Variants in NMNAT3 observed in about 807,000 individuals in gnomAD.
NMNAT3 encodes nicotinamide nucleotide adenylyltransferase 3.
In NMNAT3, 21 loss-of-function variants were observed where a neutral mutation model predicts 24.8. The ratio of observed to expected loss-of-function variants is 0.85; its 90% CI spans 0.60 to 1.22. The LOEUF is 1.22. NMNAT3 is among the 50% of genes most tolerant of loss of function. NMNAT3 has a pLI of 0.00. For synonymous variants in NMNAT3, 136 were observed against 155.2 expected, an observed-to-expected ratio of 0.88 and a Z score of 0.92; for missense variants, 387 against 436.6, an observed-to-expected ratio of 0.89 and a Z score of 1.01.
chr3:139,612,995 A>G lies in NMNAT3; in HGVS notation c.109+14621T>C, dbSNP rs568338404. Among the ~76,000 whole-genome samples the G allele has an allele frequency of 9.2e-5, 14 of 152,366 alleles. No individual in the cohort carries two copies. The South Asian group carries it at 2.9e-3, about 32-fold the overall frequency. ...TACAAAAATCAATTCAAGATGGATT[A>G]AAGACCTAAATGTTAGATCTAAAAC... On this transcript the variant is annotated intron_variant, in intron 3 of 6. Transcript: ENST00000643695.
rs560596871 is a variant in NMNAT3 at position 139,594,688 on chromosome 3, A to G, written c.110-11480T>C. Among the ~76,000 whole-genome samples, 20 of 152,362 alleles carry G rather than the reference A, an allele frequency of 1.3e-4. No individual in the cohort carries two copies. In the South Asian group the frequency reaches 3.9e-3, roughly 30 times the overall value. On this transcript the variant is annotated intron_variant, in intron 3 of 6. Transcript: ENST00000643695. ...CAAATCAGTAAATGTAATCCAGCAT[A>G]TAAACAGAACCAAAGACAAAAACCA...
At position 139,561,082 on chromosome 3, in the gene NMNAT3, G is replaced by A. The variant is rs1178402739; in HGVS notation, c.969C>T (p.Asp323=). The stretch of plus-strand genomic sequence containing the variant: ...TACTGCCCTTGGTGTAGAGGCCATG[G>A]TCCTTGATGTACGTGATGACAGCAT... The change falls in exon 7 of 7, where the codon GAC becomes GAT. Residue 323 remains aspartate, a synonymous_variant. Coordinates refer to ENST00000643695, the MANE Select transcript of NMNAT3 (RefSeq NM_001320510.2). 1 of 1,614,058 alleles carries A rather than the reference G, an allele frequency of 6.2e-7. No individual in the cohort carries two copies. Among genetic ancestry groups the A allele is most frequent in the Non-Finnish European group, 8.5e-7 (1 of 1,180,016 alleles).
Position 139,582,909 on chromosome 3 carries a change from T to A in NMNAT3, c.391+18A>T, listed in dbSNP as rs565409570. 2,793 of 1,371,162 alleles carry A rather than the reference T, an allele frequency of 2.0e-3. 4 individuals are homozygous for A. The highest frequency in any genetic ancestry group is 3.3e-3 in the African/African-American group (225 of 67,266). 84.9% of individuals were successfully genotyped at this position (1,371,162 alleles called of 1,614,324 possible). A position where few individuals can be genotyped will look rare whatever the true frequency, so the allele number is the denominator to read the frequency against. The stretch of plus-strand genomic sequence containing the variant: ...TGGAGGGAGGAGCAGTCCAAAAAAA[T>A]ATATATATATTTTTTACCTTGAAGT... On this transcript the variant is annotated intron_variant, in intron 4 of 6. Coordinates refer to ENST00000643695, the MANE Select transcript of NMNAT3 (RefSeq NM_001320510.2).
chr3:139,671,300 A>C (rs1207797842), intron 1 of NMNAT3, among the ~76,000 whole-genome samples: 2 of 152,120 alleles, frequency 1.3e-5, no homozygotes, highest in African/African-American at 4.8e-5. Flanking sequence ...CATGTGGCTA[A>C]TCTTCATATT....
intron 3 of NMNAT3, among the ~76,000 whole-genome samples, chr3:139,624,421 A>G (rs1162084469): frequency 1.3e-5 from 2 of 148,746 alleles, no homozygotes; most frequent in African/African-American, 4.9e-5. Context: ...TACACTTTGT[A>G]TTACTTCAGT....
chr3:139,676,631 C>T lies in NMNAT3; in HGVS notation c.-141+1074G>A, dbSNP rs187182994. Among the ~76,000 whole-genome samples the T allele has an allele frequency of 6.6e-5, 10 of 152,280 alleles. No individual in the cohort carries two copies. In the East Asian group the frequency reaches 1.5e-3, roughly 24 times the overall value. ...TGTCACTTTATTTCACCTGGCCCAC[C>T]GGACATGGGCTCCAGGAGGGCAGGG... On this transcript the variant is annotated intron_variant, in intron 1 of 6. Transcript: ENST00000643695.
rs1032227042 is a variant in NMNAT3, at chr3:139,638,910, C to T, written c.-140-848G>A. On this transcript the variant is annotated intron_variant, in intron 1 of 6. Coordinates refer to ENST00000643695, the MANE Select transcript of NMNAT3 (RefSeq NM_001320510.2). ...TCTCCCAAGCCTTGCTACTTACCCT[C>T]CAACCCCCTCCCTATGGCTGCTCTG... 1.4e-4 allele frequency among the ~76,000 whole-genome samples: 21 copies of T among 152,190 alleles called. 1 individual carries two copies. Among genetic ancestry groups the T allele is most frequent in the Admixed American group, 1.3e-3 (20 of 15,284 alleles).
intron 3 of NMNAT3, among the ~76,000 whole-genome samples, chr3:139,594,334 G>A (rs180897201): frequency 1.9e-3 from 284 of 152,128 alleles, no homozygotes; most frequent in Middle Eastern, 6.8e-3. Context: ...CTTACCAACC[G>A]AAAAGAGTCC....
rs756159164 is a variant in NMNAT3, at chr3:139,582,190, CAAAAAAAAAAAAAAAA to C, written c.391+721_391+736del. On this transcript the variant is annotated intron_variant, in intron 4 of 6. Coordinates refer to ENST00000643695, the MANE Select transcript of NMNAT3 (RefSeq NM_001320510.2). ...TAGGCAACAGAGCAAGACTCCCTCT[CAAAAAAAAAAAAAAAA>C]AAAAAAAAGAAAAAAAAACCACATG... 5.2e-4 allele frequency among the ~76,000 whole-genome samples: 12 copies of C among 23,076 alleles called. No homozygotes were observed. The South Asian group carries it at 0.029, about 55-fold the overall frequency. 15.1% of individuals were successfully genotyped at this position (23,076 alleles called of 152,430 possible).
chr3:139,657,409 G>A (rs1279313045), intron 1 of NMNAT3, among the ~76,000 whole-genome samples: 1 of 152,252 alleles, frequency 6.6e-6, no homozygotes, highest in African/African-American at 2.4e-5. Flanking sequence ...GGAAAAACAG[G>A]TTAGTGCGCA....
chr3:139,612,286 G>A (rs981142793), intron 3 of NMNAT3, among the ~76,000 whole-genome samples: 1 of 152,028 alleles, frequency 6.6e-6, no homozygotes, highest in Non-Finnish European at 1.5e-5. Context: ...TGATTGCTTC[G>A]AAAAAGAGAG....
chr3:139,648,497 A>G (rs1248335897), intron 1 of NMNAT3, among the ~76,000 whole-genome samples: 1 of 152,236 alleles, frequency 6.6e-6, no homozygotes, highest in Non-Finnish European at 1.5e-5. Context: ...TCTTAAAGCA[A>G]ACATGTGAAC....
chr3:139,578,800 CT>C (rs1046238001), intron 5 of NMNAT3, 71 bp downstream of exon 5: 45 of 1,405,380 alleles, frequency 3.2e-5, no homozygotes, highest in Non-Finnish European at 4.2e-5. Context: ...TCTGCCCTAC[CT>C]TTTACCCTGT....
intron 3 of NMNAT3, among the ~76,000 whole-genome samples, chr3:139,621,411 C>G (rs2055765859): frequency 6.6e-6 from 1 of 152,210 alleles, no homozygotes; most frequent in Non-Finnish European, 1.5e-5. Flanking sequence ...GGGCTTTGCT[C>G]TGTTGCCTGG....
chr3:139,665,877 A>G (rs1559971939), intron 1 of NMNAT3, among the ~76,000 whole-genome samples: 1 of 152,202 alleles, frequency 6.6e-6, no homozygotes, highest in Non-Finnish European at 1.5e-5. Flanking sequence ...CAAAATATCT[A>G]TAAACTCTGA....
intron 3 of NMNAT3, among the ~76,000 whole-genome samples, chr3:139,622,066 T>C (rs112279672): frequency 7.2e-5 from 11 of 152,346 alleles, no homozygotes; most frequent in African/African-American, 2.6e-4. Context: ...ATCCCTTTTA[T>C]ATATTGATTT....
chr3:139,591,021 A>G (rs1055690148), intron 3 of NMNAT3, among the ~76,000 whole-genome samples: 4 of 151,932 alleles, frequency 2.6e-5, no homozygotes, highest in African/African-American at 9.7e-5. Context: ...AGAGCGACAC[A>G]GAAGACGGGT....
chr3:139,622,077 C>A (rs1455604351), intron 3 of NMNAT3, among the ~76,000 whole-genome samples: 1 of 152,090 alleles, frequency 6.6e-6, no homozygotes. Flanking sequence ...ATATTGATTT[C>A]TTTTCCTTTG....
chr3:139,629,251 A>G (rs1212053069), intron 2 of NMNAT3, among the ~76,000 whole-genome samples: 2 of 152,158 alleles, frequency 1.3e-5, no homozygotes, highest in Non-Finnish European at 2.9e-5. Flanking sequence ...AGGAAGTGAG[A>G]GAGACCTCTG....
Sources: allele counts gnomAD v4.1 joint callset (sites outside exome capture counted in the v4.1 genomes callset), GRCh38; gene constraint gnomAD v4.1.1; transcripts MANE v1.5; gene names NCBI Gene and HGNC (gene_info 2026-07-23, HGNC 2026-07-21).